The following ARHGEF33 variants were observed in gnomAD, a reference collection of about 807,000 sequenced individuals.
ARHGEF33 encodes DH and coiled-coil domain-containing protein ENSP00000381780.
Under a neutral mutation model 101.9 loss-of-function variants are expected in ARHGEF33, and 72 were observed. The observed-to-expected ratio is 0.71, with a 90% CI of 0.58 to 0.86. The LOEUF is 0.86. Among genes scored for constraint, ARHGEF33 ranks in the 40% least tolerant of loss-of-function variants. The pLI is 0.00. For missense variants in ARHGEF33, 1,169 were observed against 1,111.3 expected (o/e 1.05, Z -0.74); for synonymous variants, 499 against 442.5 (o/e 1.13, Z -1.60).
At chr2:38,908,017 C>T (rs902722745) in intron 2 of ARHGEF33, among the ~76,000 whole-genome samples, 1 of 151,674 alleles carries the variant, frequency 6.6e-6, no homozygotes, top group East Asian at 1.9e-4. Flanking sequence ...TGCCAACATG[C>T]CTGGCTAATT....
intron 2 of ARHGEF33, among the ~76,000 whole-genome samples, chr2:38,904,515 G>T (rs545387201): frequency 6.6e-6 from 1 of 152,138 alleles, no homozygotes; most frequent in African/African-American, 2.4e-5. Context: ...AGAACAGGCT[G>T]GGCAACATGG....
chr2:38,890,949 C>T (rs181229517), intron 1 of ARHGEF33, among the ~76,000 whole-genome samples: 100 of 150,092 alleles, frequency 6.7e-4, no homozygotes, highest in Non-Finnish European at 1.2e-3. Context: ...GCTTTTGAAA[C>T]AAGATGACCA....
At position 38,919,349 on chromosome 2, in the gene ARHGEF33, A is replaced by C. The variant is rs80087061; in HGVS notation, c.-85-14A>C. The C allele has an allele frequency of 2.3e-3, 2,770 of 1,230,836 alleles. 115 individuals carry two copies. The East Asian group carries it at 0.065, about 29-fold the overall frequency. 76.2% of individuals were successfully genotyped at this position (1,230,836 alleles called of 1,614,324 possible). On this transcript the variant is annotated splice_polypyrimidine_tract_variant and intron_variant, in intron 2 of 17. Coordinates refer to ENST00000409978, the MANE Select transcript of ARHGEF33 (RefSeq NM_001145451.5). ...TTTTACTTGTTATCCCTTACTCTTG[A>C]TTTGAATTGACAGGTGCAGGGAAGA...
At chr2:38,965,919 TCA>T in intron 16 of ARHGEF33, 85 bp from the exon 17 acceptor site, 2 of 1,487,198 alleles carry the variant, frequency 1.3e-6, no homozygotes. Context: ...GAGAGGAAAG[TCA>T]CAACACCACA....
intron 2 of ARHGEF33, among the ~76,000 whole-genome samples, chr2:38,913,037 TG>T (rs1461311383): frequency 6.6e-6 from 1 of 151,242 alleles, no homozygotes; most frequent in African/African-American, 2.4e-5. Context: ...GTCAACAAAT[TG>T]TTTTTTTTTT....
intron 7 of ARHGEF33, among the ~76,000 whole-genome samples, chr2:38,933,664 C>T (rs959034002): frequency 6.6e-6 from 1 of 152,204 alleles, no homozygotes; most frequent in Non-Finnish European, 1.5e-5. Context: ...TGTGAGGCAC[C>T]ACGACCGACC....
At chr2:38,932,477 G>T (rs951166331) in intron 7 of ARHGEF33, among the ~76,000 whole-genome samples, 1 of 151,966 alleles carries the variant, frequency 6.6e-6, no homozygotes, top group African/African-American at 2.4e-5. Flanking sequence ...TTCATTGAGA[G>T]ACTGATAGGT....
At chr2:38,897,905 C>T (rs911135463) in intron 2 of ARHGEF33, among the ~76,000 whole-genome samples, 5 of 152,158 alleles carry the variant, frequency 3.3e-5, no homozygotes, top group African/African-American at 1.2e-4. Context: ...GGATGGGGAA[C>T]CATGACTGTC....
chr2:38,934,180 G>A (rs1340080760), intron 7 of ARHGEF33, among the ~76,000 whole-genome samples: 1 of 152,108 alleles, frequency 6.6e-6, no homozygotes, highest in African/African-American at 2.4e-5. Flanking sequence ...TGGTACCCTT[G>A]ATACCCACCT....
At chr2:38,936,779 C>G (rs1388048025) in intron 8 of ARHGEF33, 1 of 151,786 alleles carries the variant, frequency 6.6e-6, no homozygotes, top group African/African-American at 2.4e-5. Flanking sequence ...AATTCAAGAC[C>G]AGCCTGGCCA....
At chr2:38,960,909 G>A (rs1329739859) in intron 16 of ARHGEF33, among the ~76,000 whole-genome samples, 1 of 152,184 alleles carries the variant, frequency 6.6e-6, no homozygotes, top group African/African-American at 2.4e-5. Context: ...GCCTCATATG[G>A]TACACGAGGG....
chr2:38,960,447 T>C lies in ARHGEF33; in HGVS notation c.2142T>C (p.Arg714=). 1.3e-6 allele frequency: 2 copies of C among 1,495,354 alleles called. No homozygotes were observed. Among genetic ancestry groups the C allele is most frequent in the Non-Finnish European group, 1.8e-6 (2 of 1,129,266 alleles). The allele number at this position is 1,495,354 out of a possible 1,614,324, so 92.6% of individuals were successfully genotyped here. ...GCCGCTCTCTCAAAGAGTTCCCGCG[T>C]GCGCCGCCAGCCGACGGCGTGGCCC... is the stretch of plus-strand genomic sequence containing the variant. The part of the protein sequence containing the change: ...PLSRSLKEFP[R]APPADGVAPR... The change falls in exon 16 of 18, where the codon CGT becomes CGC. Residue 714 remains arginine, a synonymous_variant. Coordinates refer to ENST00000409978, the MANE Select transcript of ARHGEF33 (RefSeq NM_001145451.5).
At chr2:38,911,597 T>C (rs1183607847) in intron 2 of ARHGEF33, among the ~76,000 whole-genome samples, 2 of 152,166 alleles carry the variant, frequency 1.3e-5, no homozygotes, top group African/African-American at 4.8e-5. Flanking sequence ...TTAAAAAAAT[T>C]TTTCTGAATT....
Position 38,925,080 on chromosome 2 carries a change from AAGAG to A in ARHGEF33, c.75+3660_75+3663del, listed in dbSNP as rs201235241. 9.1e-4 allele frequency among the ~76,000 whole-genome samples: 138 copies of A among 152,286 alleles called. 2 individuals carry two copies. In the East Asian group the frequency reaches 0.023, roughly 25 times the overall value. Reference sequence around the variant, plus strand: ...CTTATTAGAATATTAGGAGGGAAAAAAGAGAGGTAGAATCAAAATGTATCTGCAG... The same window carrying A: ...CTTATTAGAATATTAGGAGGGAAAAAAGGTAGAATCAAAATGTATCTGCAG... On this transcript the variant is annotated intron_variant, in intron 4 of 17. Transcript: ENST00000409978.
chr2:38,948,948 G>A (rs1399882038), intron 10 of ARHGEF33, among the ~76,000 whole-genome samples: 1 of 152,154 alleles, frequency 6.6e-6, no homozygotes, highest in Non-Finnish European at 1.5e-5. Context: ...CTGTTCCATT[G>A]TAAGCGCTCA....
chr2:38,953,351 G>A lies in ARHGEF33; in HGVS notation c.1137+106G>A, dbSNP rs1572772819. The A allele has an allele frequency of 4.2e-6, 3 of 714,918 alleles. No homozygotes were observed. The East Asian group carries it at 8.2e-5, about 19-fold the overall frequency. The allele number at this position is 714,918 out of a possible 1,614,324, so 44.3% of individuals were successfully genotyped here. A position where few individuals can be genotyped will look rare whatever the true frequency, so the allele number is the denominator to read the frequency against. On this transcript the variant is annotated intron_variant, in intron 12 of 17. Transcript: ENST00000409978. ...CGCATGCACTGTGCTTTCTAGGCTG[G>A]GGAATGGCCTGAACACAGCCACTAA... is the stretch of plus-strand genomic sequence containing the variant.
At position 38,954,274 on chromosome 2, in the gene ARHGEF33, C is replaced by G. The variant is rs902822569; in HGVS notation, c.1138-99C>G. 5 of 702,316 alleles carry G rather than the reference C, an allele frequency of 7.1e-6. No individual in the cohort carries two copies. The African/African-American group carries it at 8.8e-5, about 12-fold the overall frequency. The allele number at this position is 702,316 out of a possible 1,614,324, so 43.5% of individuals were successfully genotyped here. The stretch of plus-strand genomic sequence containing the variant: ...TGACAATCTCTGGGAAGAAAATGCT[C>G]TGGGAGGAAACCCTTCCTACCCTGG... On this transcript the variant is annotated intron_variant, in intron 12 of 17. Transcript: ENST00000409978.
At chr2:38,969,966 CACTT>C (rs1217272978) in intron 17 of ARHGEF33, among the ~76,000 whole-genome samples, 4 of 152,172 alleles carry the variant, frequency 2.6e-5, no homozygotes, top group African/African-American at 9.7e-5. Context: ...CATCTTGCAA[CACTT>C]AATGTTAACG....
Position 38,973,810 on chromosome 2 carries a change from T to C in ARHGEF33, c.2580T>C (p.Leu860=). The part of the protein sequence containing the change: ...KQDFFRNRLA[L]ANDLDQGTAV ...ATTTCTTCAGAAACCGACTTGCTCT[T>C]GCAAATGACCTTGACCAAGGAACAG... The change falls in exon 18 of 18, where the codon CTT becomes CTC. Residue 860 remains leucine (L), a synonymous_variant. Coordinates refer to ENST00000409978, the MANE Select transcript of ARHGEF33 (RefSeq NM_001145451.5). 1 of 1,549,080 alleles carries C rather than the reference T, an allele frequency of 6.5e-7. No homozygotes were observed. The highest frequency in any genetic ancestry group is 8.7e-7 in the Non-Finnish European group (1 of 1,146,086).
Sources: gnomAD v4.1 joint callset for allele counts (sites outside exome capture counted in the v4.1 genomes callset) on GRCh38, gnomAD v4.1.1 for gene constraint, MANE v1.5 for transcripts, NCBI Gene and HGNC (gene_info 2026-07-23, HGNC 2026-07-21) for gene names.